Variants in MYT1L observed in about 807,000 individuals in gnomAD.
MYT1L encodes myelin transcription factor 1 like.
In MYT1L, 12 loss-of-function variants were observed where a neutral mutation model predicts 126.7. The observed-to-expected ratio is 0.09, with a 90% confidence interval of 0.06 to 0.15. The LOEUF (loss-of-function observed/expected upper bound fraction) is 0.15. Among genes scored for constraint, MYT1L ranks in the 10% least tolerant of loss-of-function variants. The probability of loss-of-function intolerance (pLI) is 1.00; values close to 1 mark genes in which losing one functional copy is unlikely to be tolerated. For synonymous variants in MYT1L, 541 were observed against 604.2 expected (o/e 0.90, Z 1.53); for missense variants, 979 against 1,585.2 (o/e 0.62, Z 6.49).
At chr2:2,242,950 G>T (rs1223503183) in intron 2 of MYT1L, among the ~76,000 whole-genome samples, 3 of 152,166 alleles carry the variant, frequency 2.0e-5, no homozygotes, top group Non-Finnish European at 4.4e-5. Context: ...ATAGGTTTTA[G>T]CAATGAAGAG....
intron 2 of MYT1L, among the ~76,000 whole-genome samples, chr2:2,238,647 A>G (rs984021523): frequency 4.6e-5 from 7 of 152,240 alleles, no homozygotes; most frequent in Admixed American, 4.6e-4. Context: ...TGTGCAGTGT[A>G]TATCTGAGAG....
At chr2:2,028,469 G>A (rs1487108417) in intron 4 of MYT1L, among the ~76,000 whole-genome samples, 1 of 152,218 alleles carries the variant, frequency 6.6e-6, no homozygotes, top group Non-Finnish European at 1.5e-5. Flanking sequence ...AGGAATCTAT[G>A]TAGTGGCAGA....
chr2:1,846,936 CATGA>C (rs1402685891), intron 19 of MYT1L, among the ~76,000 whole-genome samples: 1 of 152,202 alleles, frequency 6.6e-6, no homozygotes, highest in African/African-American at 2.4e-5. Context: ...GGCTCTTCTG[CATGA>C]CATCAAGCCT....
At position 1,801,918 on chromosome 2, in the gene MYT1L, T is replaced by C. The variant is rs1050813890; in HGVS notation, c.3173-119A>G. On this transcript the variant is annotated intron_variant, in intron 22 of 24. Coordinates refer to ENST00000647738, the MANE Select transcript of MYT1L (RefSeq NM_001303052.2). The surrounding 1 kb of genome is among the most constrained non-coding windows in gnomAD (Gnocchi z 4.2). ...AATTGAATTTGCTTGGAAAATAGAC[T>C]CTTGAATTAGAAAGGAAAAAATCAT... 4.8e-6 allele frequency: 3 copies of C among 620,664 alleles called. No homozygotes were observed. Among genetic ancestry groups the C allele is most frequent in the Non-Finnish European group, 8.1e-6 (3 of 369,626 alleles). The allele number at this position is 620,664 out of a possible 1,614,324, so 38.4% of individuals were successfully genotyped here.
Position 1,910,454 on chromosome 2 carries a change from G to C in MYT1L, c.1710-107C>G, listed in dbSNP as rs528001071. 9.5e-7 allele frequency: 1 copy of C among 1,055,046 alleles called. No homozygotes were observed. The highest frequency in any genetic ancestry group is 1.6e-5 in the African/African-American group (1 of 64,124). 65.4% of individuals were successfully genotyped at this position (1,055,046 alleles called of 1,614,324 possible). On this transcript the variant is annotated intron_variant, in intron 12 of 24. Coordinates refer to ENST00000647738, the MANE Select transcript of MYT1L (RefSeq NM_001303052.2). The surrounding 1 kb of genome is among the most constrained non-coding windows in gnomAD (Gnocchi z 4.8). ...TGATGCAGGTGGAGCTGGTGAGGGA[G>C]GGGTAGTTTCCCAAACCTGGCACAG...
At chr2:2,026,374 G>C (rs373616280) in intron 4 of MYT1L, among the ~76,000 whole-genome samples, 5 of 152,150 alleles carry the variant, frequency 3.3e-5, no homozygotes, top group African/African-American at 1.2e-4. Flanking sequence ...GTGCCCAGGA[G>C]GGAGACTGGA....
chr2:2,145,377 G>A (rs2084728690), intron 3 of MYT1L, among the ~76,000 whole-genome samples: 1 of 152,192 alleles, frequency 6.6e-6, no homozygotes, highest in African/African-American at 2.4e-5. Context: ...GCTCTAACCT[G>A]TGTCTGAGAC....
intron 21 of MYT1L, chr2:1,827,782 T>C (rs2039561555): frequency 6.6e-6 from 1 of 152,026 alleles, no homozygotes; most frequent in Non-Finnish European, 1.5e-5. Context: ...CTCCACACAA[T>C]TGGCAGACGA....
chr2:1,843,151 T>G (rs2042037309), intron 19 of MYT1L, among the ~76,000 whole-genome samples: 1 of 152,248 alleles, frequency 6.6e-6, no homozygotes, highest in Admixed American at 6.5e-5. Context: ...CCCTGCCTTG[T>G]CTGTGGCTCG....
intron 5 of MYT1L, among the ~76,000 whole-genome samples, chr2:1,991,845 T>C (rs557761681): frequency 1.3e-5 from 2 of 152,196 alleles, no homozygotes; most frequent in East Asian, 3.9e-4. Flanking sequence ...AGACTAGGAT[T>C]CTCTGGATCA....
rs191658650 is a variant in MYT1L at position 1,893,254 on chromosome 2, T to C, written c.2033-967A>G. Reference sequence around the variant, plus strand: ...TATCCGATGGGTCCTTCTTTACTAATTGTTATCCCTGCCAGTTAATGTCAC... The same window carrying C: ...TATCCGATGGGTCCTTCTTTACTAACTGTTATCCCTGCCAGTTAATGTCAC... On this transcript the variant is annotated intron_variant, in intron 14 of 24. Coordinates refer to ENST00000647738, the MANE Select transcript of MYT1L (RefSeq NM_001303052.2). Among the ~76,000 whole-genome samples the C allele has an allele frequency of 2.0e-3, 300 of 152,346 alleles. 2 individuals carry two copies. Among genetic ancestry groups the C allele is most frequent in the African/African-American group, 6.9e-3 (286 of 41,574 alleles).
rs142761762 is a variant in MYT1L, at chr2:2,149,628, A to G, written c.-304+23244T>C. On this transcript the variant is annotated intron_variant, in intron 3 of 24. Coordinates refer to ENST00000647738, the MANE Select transcript of MYT1L (RefSeq NM_001303052.2). The stretch of plus-strand genomic sequence containing the variant: ...TGGTTCAGTGGCCACACTACCTGTC[A>G]GGCCATACAGGGTTCTTTCCAGGGC... Among the ~76,000 whole-genome samples, 224 of 152,350 alleles carry G rather than the reference A, an allele frequency of 1.5e-3. 2 individuals are homozygous for G. Among genetic ancestry groups the G allele is most frequent in the Non-Finnish European group, 2.7e-3 (184 of 68,040 alleles).
At chr2:2,322,593 T>TAA (rs1207082061) in intron 1 of MYT1L, among the ~76,000 whole-genome samples, 4 of 133,886 alleles carry the variant, frequency 3.0e-5, no homozygotes, top group Admixed American at 7.5e-5. Context: ...ATTTTGACCC[T>TAA]AAAAAAAAAA....
rs116325015 is a variant in MYT1L, at chr2:2,219,104, C to T, written c.-420-46116G>A. ...TCAAGAGGATGTTGTCTCGCCGTCA[C>T]ATTGCTAAGAGTGGCTGGTAGAAGG... On this transcript the variant is annotated intron_variant, in intron 2 of 24. Coordinates refer to ENST00000647738, the MANE Select transcript of MYT1L (RefSeq NM_001303052.2). Among the ~76,000 whole-genome samples, 825 of 152,304 alleles carry T rather than the reference C, an allele frequency of 5.4e-3. 10 individuals carry two copies. Among genetic ancestry groups the T allele is most frequent in the African/African-American group, 0.019 (793 of 41,556 alleles).
At chr2:2,113,043 G>A (rs372193941) in intron 3 of MYT1L, among the ~76,000 whole-genome samples, 1 of 152,184 alleles carries the variant, frequency 6.6e-6, no homozygotes, top group Non-Finnish European at 1.5e-5. Context: ...GGAGCATAAG[G>A]AGGGTGCTGA....
chr2:2,081,996 C>T (rs1423042112), intron 3 of MYT1L, among the ~76,000 whole-genome samples: 4 of 152,080 alleles, frequency 2.6e-5, no homozygotes, highest in Non-Finnish European at 4.4e-5. Context: ...CTGCATCGGC[C>T]TCCCAAAGTG....
At chr2:2,044,523 A>C (rs991000179) in intron 4 of MYT1L, among the ~76,000 whole-genome samples, 15 of 152,334 alleles carry the variant, frequency 9.8e-5, no homozygotes, top group African/African-American at 3.6e-4. Flanking sequence ...AAAACTCTGC[A>C]ACGGGCTTTT....
chr2:2,232,887 C>T (rs2094193667), intron 2 of MYT1L, among the ~76,000 whole-genome samples: 1 of 152,200 alleles, frequency 6.6e-6, no homozygotes, highest in South Asian at 2.1e-4. Context: ...TCTGATTGTA[C>T]TGCCTCTGGG....
chr2:2,217,684 ACAACAACAACAAC>A (rs1217748063), intron 2 of MYT1L, among the ~76,000 whole-genome samples: 90 of 113,962 alleles, frequency 7.9e-4, no homozygotes, highest in African/African-American at 3.4e-3. Context: ...AACAACAACA[ACAACAACAACAAC>A]AACAACAACA....
Sources: gnomAD v4.1 joint callset for allele counts (sites outside exome capture counted in the v4.1 genomes callset) on GRCh38, gnomAD v4.1.1 for gene constraint, Gnocchi (gnomAD v3.1) non-coding constraint, MANE v1.5 for transcripts, NCBI Gene and HGNC (gene_info 2026-07-23, HGNC 2026-07-21) for gene names.